BHMT2: variants seen among roughly 807,000 people sequenced by gnomAD.
BHMT2 encodes the protein S-methylmethionine--homocysteine S-methyltransferase BHMT2.
Under a neutral mutation model 39.0 loss-of-function variants are expected in BHMT2, and 28 were observed. That is an observed-to-expected ratio of 0.72 (90% CI 0.53 to 0.98). The LOEUF is 0.98. Among genes scored for constraint, BHMT2 ranks in the 50% least tolerant of loss-of-function variants. The pLI is 0.00. For missense variants in BHMT2, 410 were observed against 455.6 expected (o/e 0.90, Z 0.91); for synonymous variants, 145 against 160.6 (o/e 0.90, Z 0.74).
chr5:79,084,541 G>A (rs2112703753), intron 7 of BHMT2, among the ~76,000 whole-genome samples: 1 of 152,240 alleles, frequency 6.6e-6, no homozygotes, highest in South Asian at 2.1e-4. Flanking sequence ...CAAAGTTAGA[G>A]TGGGGCCTCT....
chr5:79,077,643 C>T (rs1481170125), intron 2 of BHMT2, 31 bp downstream of exon 2: 12 of 1,585,508 alleles, frequency 7.6e-6, no homozygotes, highest in Admixed American at 1.8e-5. Context: ...GAGTGTCTAC[C>T]TGAGTGGTAT....
intron 3 of BHMT2, among the ~76,000 whole-genome samples, chr5:79,079,701 G>C (rs1455050973): frequency 6.6e-6 from 1 of 152,180 alleles, no homozygotes; most frequent in Non-Finnish European, 1.5e-5. Context: ...TTCCAGATCA[G>C]CCTGGACAAC....
In BHMT2 at chr5:79,069,807, G is replaced by A. The variant is rs370147287; in HGVS notation, c.25G>A (p.Ala9Thr). 2.1e-6 allele frequency: 3 copies of A among 1,436,056 alleles called. No individual in the cohort carries two copies. The highest frequency in any genetic ancestry group is 3.0e-5 in the East Asian group (1 of 33,546). 89.0% of individuals were successfully genotyped at this position (1,436,056 alleles called of 1,614,324 possible). MAPAGRPG[A>T]KKGILERLES... ...CATGGCACCTGCTGGACGCCCGGGGGCCAAGAAGGTGAGTTTCGTCCCCTC... is the reference window on the plus strand; with the variant it reads ...CATGGCACCTGCTGGACGCCCGGGGACCAAGAAGGTGAGTTTCGTCCCCTC... Residue 9 changes from alanine to threonine, a missense_variant, in exon 1 of 8, where the codon GCC becomes ACC. Coordinates refer to ENST00000255192, the MANE Select transcript of BHMT2 (RefSeq NM_017614.5).
intron 4 of BHMT2, among the ~76,000 whole-genome samples, chr5:79,081,922 T>G (rs548189528): frequency 6.6e-6 from 1 of 152,198 alleles, no homozygotes; most frequent in Non-Finnish European, 1.5e-5. Context: ...CACTGAACTC[T>G]ACTGAAAACC....
In BHMT2 at chr5:79,089,523, A is replaced by G. The variant is rs1229699179; in HGVS notation, c.*949A>G. On this transcript the variant is annotated 3_prime_UTR_variant, in exon 8 of 8. Coordinates refer to ENST00000255192, the MANE Select transcript of BHMT2 (RefSeq NM_017614.5). ...CTTCATAATCATAGGTAGCTAGGTT[A>G]TAAACTATTTAAAGACAAGATCACG... 6.6e-6 allele frequency: 1 copy of G among 152,174 alleles called. No individual in the cohort carries two copies. Among genetic ancestry groups the G allele is most frequent in the Non-Finnish European group, 1.5e-5 (1 of 68,020 alleles). The allele number at this position is 152,174 out of a possible 1,614,324, so 9.4% of individuals were successfully genotyped here.
chr5:79,071,706 G>A (rs544922526), intron 1 of BHMT2, among the ~76,000 whole-genome samples: 3 of 151,630 alleles, frequency 2.0e-5, no homozygotes, highest in African/African-American at 7.3e-5. Flanking sequence ...ATAACTAATG[G>A]ATACTAGGCT....
At chr5:79,074,917 C>T (rs1755646895) in intron 1 of BHMT2, among the ~76,000 whole-genome samples, 1 of 152,236 alleles carries the variant, frequency 6.6e-6, no homozygotes. Context: ...ACTGTTTCCT[C>T]ATCGTTTGAG....
At chr5:79,074,483 T>C (rs1169821983) in intron 1 of BHMT2, among the ~76,000 whole-genome samples, 1 of 152,220 alleles carries the variant, frequency 6.6e-6, no homozygotes, top group African/African-American at 2.4e-5. Context: ...GTAACCAAGA[T>C]CAAATTAGCT....
At position 79,077,420 on chromosome 5, in the gene BHMT2, G is replaced by T. The variant is rs1658599916; in HGVS notation, c.34-60G>T. 1.9e-6 allele frequency: 3 copies of T among 1,551,228 alleles called. No homozygotes were observed. The East Asian group carries it at 6.8e-5, about 35-fold the overall frequency. On this transcript the variant is annotated intron_variant, in intron 1 of 7. Transcript: ENST00000255192. ...ACCACTTCACCTAAAATTAGAAAAT[G>T]CTTTTAGGAAAAAAAAAAAAAGTAG...
rs1406333606 is a variant in BHMT2 at position 79,089,027 on chromosome 5, T to C, written c.*453T>C. 1 of 153,626 alleles carries C rather than the reference T, an allele frequency of 6.5e-6. No homozygotes were observed. Among genetic ancestry groups the C allele is most frequent in the Non-Finnish European group, 1.4e-5 (1 of 69,082 alleles). The allele number at this position is 153,626 out of a possible 1,614,324, so 9.5% of individuals were successfully genotyped here. ...AAAGCAATGAGTCTGCTTTTTTTAA[T>C]GATTTATACAATGACTCCAAAGGCA... On this transcript the variant is annotated 3_prime_UTR_variant, in exon 8 of 8. Coordinates refer to ENST00000255192, the MANE Select transcript of BHMT2 (RefSeq NM_017614.5).
At chr5:79,083,951 G>A in intron 7 of BHMT2, 95 bp downstream of exon 7, 1 of 1,461,004 alleles carries the variant, frequency 6.8e-7, no homozygotes, top group Non-Finnish European at 9.1e-7. Flanking sequence ...AAAAAGTATA[G>A]AAATGTATAA....
intron 3 of BHMT2, among the ~76,000 whole-genome samples, chr5:79,080,104 A>C (rs939574545): frequency 6.6e-5 from 10 of 152,194 alleles, no homozygotes; most frequent in Admixed American, 6.5e-4. Flanking sequence ...CTAAAAAACA[A>C]TACTGGAGTA....
rs898851902 is a variant in BHMT2, at chr5:79,083,330, A to G, written c.737A>G (p.Asp246Gly). Reference protein sequence around the residue: ...MVQPLGFHAPDCGKEGFVDLP... With the variant: ...MVQPLGFHAPGCGKEGFVDLP... The stretch of plus-strand genomic sequence containing the variant: ...CAGCCTCTGGGGTTCCACGCGCCTG[A>G]CTGTGGCAAAGAGGGGTTTGTGGAT... Residue 246 changes from aspartate (D) to glycine (G), a missense_variant, in exon 6 of 8, where the codon GAC (aspartate) becomes GGC (glycine). Asp to Gly is a moderately conservative substitution (Grantham distance 94). Transcript: ENST00000255192. The G allele has an allele frequency of 6.2e-7, 1 of 1,610,422 alleles. No individual in the cohort carries two copies. Among genetic ancestry groups the G allele is most frequent in the Non-Finnish European group, 8.5e-7 (1 of 1,177,506 alleles).
At position 79,077,958 on chromosome 5, in the gene BHMT2, C is replaced by T. The variant is rs571254728; in HGVS notation, c.166+346C>T. 3.8e-4 allele frequency: 67 copies of T among 174,888 alleles called. 1 individual carries two copies. The highest frequency in any genetic ancestry group is 6.5e-4 in the Non-Finnish European group (54 of 82,460). 10.8% of individuals were successfully genotyped at this position (174,888 alleles called of 1,614,324 possible). A position where few individuals can be genotyped will look rare whatever the true frequency, so the allele number is the denominator to read the frequency against. The stretch of plus-strand genomic sequence containing the variant: ...AACACACATACACACCCACACAACA[C>T]ACTCTCACACACACACACACTCTCA... On this transcript the variant is annotated intron_variant, in intron 2 of 7. Transcript: ENST00000255192.
intron 4 of BHMT2, 127 bp from the exon 5 acceptor site, chr5:79,082,682 G>A: frequency 9.1e-7 from 1 of 1,104,708 alleles, no homozygotes; most frequent in South Asian, 1.6e-5. Context: ...ACATTCCTTA[G>A]CAAGTTTTAT....
intron 1 of BHMT2, among the ~76,000 whole-genome samples, chr5:79,076,873 C>T (rs1258540555): frequency 2.0e-5 from 3 of 152,190 alleles, no homozygotes; most frequent in Non-Finnish European, 2.9e-5. Flanking sequence ...CGCAGCCACC[C>T]AAGGATGTCT....
rs2112700055 is a variant in BHMT2 at position 79,080,859 on chromosome 5, T to A, written c.431T>A (p.Val144Glu). ...QQLEVFAWKN[V>E]DFLIAEYFEH... is the part of the protein sequence containing the mutation. ...CTAGAAGTTTTTGCCTGGAAAAATG[T>A]GGACTTCTTGATTGCAGAGGTGAGG... The change falls in exon 4 of 8, where the codon GTG becomes GAG. Residue 144 changes from valine to glutamate, a missense_variant. Physicochemically the swap from Val to Glu is moderately radical, Grantham distance 121 (BLOSUM62 -2). Transcript: ENST00000255192. 6.3e-7 allele frequency: 1 copy of A among 1,596,880 alleles called. No homozygotes were observed. The highest frequency in any genetic ancestry group is 2.3e-5 in the East Asian group (1 of 44,126).
intron 1 of BHMT2, among the ~76,000 whole-genome samples, chr5:79,072,922 G>C (rs1411892203): frequency 6.6e-6 from 1 of 151,544 alleles, no homozygotes; most frequent in African/African-American, 2.4e-5. Context: ...TCTGAATTCT[G>C]TGCCAATGTT....
chr5:79,080,578 G>T (rs879889352), intron 3 of BHMT2, 109 bp from the exon 4 acceptor site: 3 of 922,572 alleles, frequency 3.3e-6, no homozygotes, highest in Admixed American at 6.0e-5. Context: ...TTGCATTGAA[G>T]AGAGTGGCTT....
Sources: gnomAD v4.1 joint callset for allele counts (sites outside exome capture counted in the v4.1 genomes callset) on GRCh38, gnomAD v4.1.1 for gene constraint, MANE v1.5 for transcripts, NCBI Gene and HGNC (gene_info 2026-07-23, HGNC 2026-07-21) for gene names.